Variants in ALK observed in about 807,000 individuals in gnomAD.
ALK encodes ALK receptor tyrosine kinase, also known as ALK tyrosine kinase receptor.
In ALK, 74 loss-of-function variants were observed where a neutral mutation model predicts 163.1. The observed-to-expected ratio is 0.45, with a 90% CI of 0.38 to 0.55. The LOEUF is 0.55. Among genes scored for constraint, ALK ranks in the 20% least tolerant of loss-of-function variants. The pLI is 0.00. For synonymous variants in ALK, 960 were observed against 843.2 expected (o/e 1.14, Z -2.40); for missense variants, 2,063 against 2,105.3 (o/e 0.98, Z 0.39).
rs532529924 is a variant in ALK, at chr2:29,586,266, C to T, written c.953-54150G>A. ...ATTTTTTTTTTTAATGTGAGGCTTT[C>T]ATACATATATTAAATACGATGACTA... On this transcript the variant is annotated intron_variant, in intron 3 of 28. Transcript: ENST00000389048. Among the ~76,000 whole-genome samples the T allele has an allele frequency of 5.4e-4, 82 of 151,234 alleles. No individual in the cohort carries two copies. The South Asian group carries it at 0.017, about 31-fold the overall frequency.
chr2:29,612,730 G>A (rs1443601360), intron 3 of ALK, among the ~76,000 whole-genome samples: 1 of 152,088 alleles, frequency 6.6e-6, no homozygotes, highest in Non-Finnish European at 1.5e-5. Context: ...GCTGGGAGTG[G>A]GGATGGGAAA....
intron 11 of ALK, among the ~76,000 whole-genome samples, chr2:29,258,993 C>T (rs1665018177): frequency 6.7e-6 from 1 of 149,368 alleles, no homozygotes; most frequent in Non-Finnish European, 1.5e-5. Flanking sequence ...ATGAAATACA[C>T]ATACATATGT....
intron 4 of ALK, among the ~76,000 whole-genome samples, chr2:29,524,570 G>A (rs532184808): frequency 1.3e-5 from 2 of 152,244 alleles, no homozygotes; most frequent in Non-Finnish European, 2.9e-5. Context: ...TAGTAAAGGT[G>A]AAATGAGTTG....
chr2:29,870,052 T>A (rs778896136), intron 1 of ALK, among the ~76,000 whole-genome samples: 2 of 152,228 alleles, frequency 1.3e-5, no homozygotes, highest in African/African-American at 4.8e-5. Context: ...AGTAGTCTCA[T>A]ACATTGCTGG....
At chr2:29,690,635 T>C (rs1678368969) in intron 3 of ALK, among the ~76,000 whole-genome samples, 1 of 152,218 alleles carries the variant, frequency 6.6e-6, no homozygotes, top group Non-Finnish European at 1.5e-5. Context: ...ATTTTAGTAA[T>C]TTATAATATT....
intron 11 of ALK, among the ~76,000 whole-genome samples, chr2:29,264,323 A>G (rs1191610725): frequency 6.6e-6 from 1 of 152,146 alleles, no homozygotes; most frequent in Non-Finnish European, 1.5e-5. Context: ...AGCCAGTAGC[A>G]TTTTCCTGAT....
At chr2:29,896,356 A>G (rs6722514) in intron 1 of ALK, among the ~76,000 whole-genome samples, 103,440 of 152,028 alleles carry the variant, frequency 0.68, 35,969 homozygotes, top group Non-Finnish European at 0.76. Flanking sequence ...GGGCTGAGTC[A>G]CGTTCATTCA....
At chr2:29,666,368 A>C (rs1677513615) in intron 3 of ALK, among the ~76,000 whole-genome samples, 1 of 148,106 alleles carries the variant, frequency 6.8e-6, no homozygotes, top group African/African-American at 2.7e-5. Context: ...TGAAACTATC[A>C]AAAAAATGGT....
At chr2:29,570,766 A>G (rs997073379) in intron 3 of ALK, among the ~76,000 whole-genome samples, 2 of 152,226 alleles carry the variant, frequency 1.3e-5, no homozygotes, top group African/African-American at 4.8e-5. Context: ...GTTCCCTGGC[A>G]GAGGGCTTCC....
At chr2:29,800,561 C>T (rs1664441037) in intron 1 of ALK, among the ~76,000 whole-genome samples, 1 of 152,160 alleles carries the variant, frequency 6.6e-6, no homozygotes, top group African/African-American at 2.4e-5. Flanking sequence ...CTGCAGCTAC[C>T]AACCCCAGCC....
At chr2:29,369,465 T>C (rs1172789333) in intron 5 of ALK, among the ~76,000 whole-genome samples, 2 of 152,204 alleles carry the variant, frequency 1.3e-5, no homozygotes, top group Admixed American at 1.3e-4. Flanking sequence ...ATATTCCATC[T>C]GTGTATGCCC....
chr2:29,768,794 G>A (rs1680936178), intron 1 of ALK, among the ~76,000 whole-genome samples: 1 of 150,840 alleles, frequency 6.6e-6, no homozygotes, highest in South Asian at 2.1e-4. Flanking sequence ...AATGTTAAAA[G>A]TGGTCTGGTT....
chr2:29,269,769 C>T (rs1317397938), intron 11 of ALK, among the ~76,000 whole-genome samples: 2 of 152,318 alleles, frequency 1.3e-5, no homozygotes, highest in South Asian at 2.1e-4. Flanking sequence ...GTTCTAACTA[C>T]GGTCCCATGC....
intron 3 of ALK, among the ~76,000 whole-genome samples, chr2:29,578,263 A>T (rs969550279): frequency 5.3e-5 from 8 of 152,212 alleles, no homozygotes; most frequent in African/African-American, 1.9e-4. Flanking sequence ...GCCTTTCACC[A>T]TAATTGTGAG....
At chr2:29,840,165 A>AT (rs1399659282) in intron 1 of ALK, among the ~76,000 whole-genome samples, 2 of 152,178 alleles carry the variant, frequency 1.3e-5, no homozygotes, top group African/African-American at 4.8e-5. Flanking sequence ...CCAGAAATCT[A>AT]TCTCTTTCTT....
At chr2:29,470,089 G>A (rs1350957336) in intron 4 of ALK, among the ~76,000 whole-genome samples, 3 of 151,846 alleles carry the variant, frequency 2.0e-5, no homozygotes, top group Non-Finnish European at 2.9e-5. Context: ...ATACAATAAC[G>A]AATTAATAAT....
At chr2:29,407,501 T>C (rs532046255) in intron 4 of ALK, among the ~76,000 whole-genome samples, 2 of 152,376 alleles carry the variant, frequency 1.3e-5, no homozygotes, top group South Asian at 4.1e-4. Context: ...CAGCTCGTAA[T>C]AGAGGCTGAG....
At chr2:29,909,559 G>A (rs1416283236) in intron 1 of ALK, among the ~76,000 whole-genome samples, 2 of 151,684 alleles carry the variant, frequency 1.3e-5, no homozygotes, top group Non-Finnish European at 2.9e-5. Flanking sequence ...TTGAGTCTTT[G>A]GCTAAATATT....
chr2:29,197,827 T>C (rs2148144026), intron 26 of ALK, 151 bp from the exon 27 acceptor site: 1 of 725,940 alleles, frequency 1.4e-6, no homozygotes, highest in South Asian at 1.6e-5. Flanking sequence ...GTAGAAAAAT[T>C]TAAAAAATAA....
Sources: allele counts gnomAD v4.1 joint callset (sites outside exome capture counted in the v4.1 genomes callset), GRCh38; gene constraint gnomAD v4.1.1; transcripts MANE v1.5; gene names NCBI Gene and HGNC (gene_info 2026-07-23, HGNC 2026-07-21).